Variants in CDH13 observed in about 807,000 individuals in gnomAD.
The protein encoded by CDH13 is cadherin-13.
Under a neutral mutation model 63.8 loss-of-function variants are expected in CDH13, and 24 were observed. The ratio of observed to expected loss-of-function variants is 0.38; its 90% CI spans 0.27 to 0.53. CDH13 has a LOEUF of 0.53. CDH13 is among the 20% of genes least tolerant of loss of function. The probability of loss-of-function intolerance (pLI) is 0.85; values close to 1 mark genes in which losing one functional copy is unlikely to be tolerated. For synonymous variants in CDH13, 503 were observed against 355.3 expected (o/e 1.42, Z -4.67); for missense variants, 1,049 against 903.1 (o/e 1.16, Z -2.07).
intron 8 of CDH13, among the ~76,000 whole-genome samples, chr16:83,603,586 A>G (rs927809499): frequency 3.3e-5 from 5 of 152,286 alleles, no homozygotes; most frequent in Middle Eastern, 3.4e-3. Flanking sequence ...CTCATCTGCC[A>G]TCAATGCTTC....
At chr16:82,895,514 T>G (rs577302449) in intron 2 of CDH13, among the ~76,000 whole-genome samples, 1 of 152,202 alleles carries the variant, frequency 6.6e-6, no homozygotes, top group Non-Finnish European at 1.5e-5. Context: ...TGAACCCACA[T>G]TGACACACAA....
intron 4 of CDH13, chr16:83,181,199 A>G (rs2038339613): frequency 2.0e-6 from 1 of 501,886 alleles, no homozygotes; most frequent in South Asian, 2.8e-5. Flanking sequence ...GGCCTCAGGC[A>G]AGTCATTTAG....
At chr16:82,841,497 T>A (rs2065350504) in intron 1 of CDH13, among the ~76,000 whole-genome samples, 1 of 152,210 alleles carries the variant, frequency 6.6e-6, no homozygotes, top group African/African-American at 2.4e-5. Context: ...TTATCTCTGA[T>A]CATTTGAGCT....
At chr16:83,050,688 G>A (rs765617260) in intron 3 of CDH13, among the ~76,000 whole-genome samples, 4 of 151,948 alleles carry the variant, frequency 2.6e-5, no homozygotes, top group East Asian at 1.9e-4. Context: ...CAGGTCCATC[G>A]TGTCTACAGC....
intron 1 of CDH13, among the ~76,000 whole-genome samples, chr16:82,723,653 T>C (rs1005464456): frequency 6.6e-6 from 1 of 152,344 alleles, no homozygotes; most frequent in Admixed American, 6.5e-5. Flanking sequence ...TCCAAACTCC[T>C]GTGCAAATAC....
At chr16:83,385,915 G>A (rs2091664182) in intron 6 of CDH13, among the ~76,000 whole-genome samples, 1 of 152,186 alleles carries the variant, frequency 6.6e-6, no homozygotes, top group African/African-American at 2.4e-5. Flanking sequence ...GCTACTTTGG[G>A]TGGTTATCAC....
intron 10 of CDH13, among the ~76,000 whole-genome samples, chr16:83,689,959 G>A (rs889049295): frequency 6.6e-6 from 1 of 152,204 alleles, no homozygotes; most frequent in Non-Finnish European, 1.5e-5. Context: ...GCCAAGGTGG[G>A]TGGATCACCT....
intron 2 of CDH13, among the ~76,000 whole-genome samples, chr16:83,013,843 A>T (rs141069152): frequency 2.5e-3 from 384 of 152,300 alleles, no homozygotes; most frequent in African/African-American, 9.0e-3. Flanking sequence ...TGAGAGAGAC[A>T]CAACATAGGG....
At chr16:83,392,327 G>C (rs918815114) in intron 6 of CDH13, among the ~76,000 whole-genome samples, 10 of 152,138 alleles carry the variant, frequency 6.6e-5, no homozygotes, top group Non-Finnish European at 1.5e-5. Flanking sequence ...CGAGCTGTAA[G>C]TACTAAATGA....
intron 2 of CDH13, among the ~76,000 whole-genome samples, chr16:82,945,314 C>G (rs1399967330): frequency 6.6e-6 from 1 of 151,982 alleles, no homozygotes; most frequent in Non-Finnish European, 1.5e-5. Context: ...AAACTTAATA[C>G]AAAAAAACAA....
chr16:83,731,124 T>C (rs1910998399), intron 10 of CDH13, among the ~76,000 whole-genome samples: 1 of 152,228 alleles, frequency 6.6e-6, no homozygotes, highest in African/African-American at 2.4e-5. Context: ...GTGATAAACA[T>C]ACAAGTGCAT....
intron 1 of CDH13, among the ~76,000 whole-genome samples, chr16:82,691,765 C>G (rs1171736629): frequency 6.6e-6 from 1 of 152,060 alleles, no homozygotes; most frequent in African/African-American, 2.4e-5. Flanking sequence ...ATGGTCTCCC[C>G]TCAATATTCT....
chr16:83,396,189 T>C (rs900763839), intron 6 of CDH13, among the ~76,000 whole-genome samples: 4 of 152,236 alleles, frequency 2.6e-5, no homozygotes, highest in African/African-American at 9.6e-5. Context: ...TTATCCAGTC[T>C]ATCGTTGATG....
intron 6 of CDH13, among the ~76,000 whole-genome samples, chr16:83,356,212 ATGTGTGTGTGTGTGTGTGTGTGTGTGTG>A (rs10525181): frequency 2.2e-5 from 3 of 138,666 alleles, no homozygotes; most frequent in Admixed American, 1.5e-4. Flanking sequence ...ATTTATTTTC[ATGTGTGTGTGTGTGTGTGTGTGTGTGTG>A]TGTGTGTGTG....
chr16:83,784,910 C>T (rs762781642), intron 13 of CDH13, among the ~76,000 whole-genome samples: 7 of 152,224 alleles, frequency 4.6e-5, no homozygotes, highest in South Asian at 2.1e-4. Flanking sequence ...CACTTAACCT[C>T]GATTATCTCA....
At chr16:82,845,748 G>A (rs576498536) in intron 1 of CDH13, among the ~76,000 whole-genome samples, 3 of 152,164 alleles carry the variant, frequency 2.0e-5, no homozygotes, top group Admixed American at 6.5e-5. Context: ...TATGGCATTC[G>A]ACATCACTAA....
At chr16:82,884,063 A>G (rs1355546298) in intron 2 of CDH13, 2 of 393,458 alleles carry the variant, frequency 5.1e-6, no homozygotes, top group African/African-American at 2.1e-5. Context: ...AACACTTAAA[A>G]CCAATAATGA....
chr16:83,127,298 G>A lies in CDH13; in HGVS notation c.483+1797G>A, dbSNP rs576035606. On this transcript the variant is annotated intron_variant, in intron 4 of 13. Coordinates refer to ENST00000567109, the MANE Select transcript of CDH13 (RefSeq NM_001257.5). ...CACTGGAAGATTTCCCCAGAAGACT[G>A]CATGTTTTGAAAGATCATCCTGGCT... Among the ~76,000 whole-genome samples, 147 of 152,314 alleles carry A rather than the reference G, an allele frequency of 9.7e-4. 1 individual carries two copies. Among genetic ancestry groups the A allele is most frequent in the African/African-American group, 3.4e-3 (140 of 41,578 alleles).
intron 7 of CDH13, among the ~76,000 whole-genome samples, chr16:83,487,533 C>G (rs966390573): frequency 1.3e-5 from 2 of 152,130 alleles, no homozygotes; most frequent in East Asian, 3.9e-4. Context: ...TGAGGTCCAC[C>G]GTGTAGCTTA....
Sources: allele counts gnomAD v4.1 joint callset (sites outside exome capture counted in the v4.1 genomes callset), GRCh38; gene constraint gnomAD v4.1.1; transcripts MANE v1.5; gene names NCBI Gene and HGNC (gene_info 2026-07-23, HGNC 2026-07-21).